The following ST3GAL4 variants were observed in gnomAD, a reference collection of about 807,000 sequenced individuals.
ST3GAL4 encodes the protein CMP-N-acetylneuraminate-beta-galactosamide-alpha-2,3-sialyltransferase 4.
A neutral mutation model predicts 42.6 loss-of-function variants in ST3GAL4; 24 were observed. The ratio of observed to expected loss-of-function variants is 0.56; its 90% confidence interval spans 0.41 to 0.79. ST3GAL4 has a LOEUF of 0.79. Among genes scored for constraint, ST3GAL4 ranks in the 30% least tolerant of loss-of-function variants. The pLI is 0.00. For synonymous variants in ST3GAL4, 135 were observed against 163.2 expected (o/e 0.83, Z 1.32); for missense variants, 311 against 430.8 (o/e 0.72, Z 2.46).
intron 1 of ST3GAL4, among the ~76,000 whole-genome samples, chr11:126,389,636 T>C (rs1239564112): frequency 1.3e-5 from 2 of 152,180 alleles, no homozygotes; most frequent in African/African-American, 4.8e-5. Context: ...CGATCATAGC[T>C]CGCTGCAACC....
rs1044136837 is a variant in ST3GAL4 at position 126,403,278 on chromosome 11, A to G, written c.-60-2818A>G. On this transcript the variant is annotated intron_variant, in intron 1 of 10. Coordinates refer to ENST00000444328, the MANE Select transcript of ST3GAL4 (RefSeq NM_001254757.2). ...TGAAGACAAGACAATGTAGAACTTT[A>G]CTGGGGAAGAGGTCGAAGAAGGGCT... is the stretch of plus-strand genomic sequence containing the variant. 8.0e-6 allele frequency: 5 copies of G among 627,260 alleles called. No homozygotes were observed. The African/African-American group carries it at 1.0e-4, about 13-fold the overall frequency. The allele number at this position is 627,260 out of a possible 1,614,324, so 38.9% of individuals were successfully genotyped here.
chr11:126,413,975 T>C lies in ST3GAL4; in HGVS notation c.930T>C (p.Asn310=), dbSNP rs140148661. The C allele has an allele frequency of 9.3e-6, 15 of 1,614,238 alleles. 1 individual carries two copies. The Middle Eastern group carries it at 9.9e-4, about 107-fold the overall frequency. The change falls in exon 11 of 11, where the codon AAT becomes AAC. Residue 310 remains asparagine, a synonymous_variant. Transcript: ENST00000444328. ...TGTCTCCACAGGGGTCAGGCCATAATGTCTCCCAAGAGGCCCTGGCCATTA... is the reference window on the plus strand; with the variant it reads ...TGTCTCCACAGGGGTCAGGCCATAACGTCTCCCAAGAGGCCCTGGCCATTA... ...TLKSMAGSGH[N]VSQEALAIKR...
At chr11:126,371,163 C>T (rs1591427936) in intron 1 of ST3GAL4, among the ~76,000 whole-genome samples, 8 of 59,974 alleles carry the variant, frequency 1.3e-4, no homozygotes, top group African/African-American at 2.8e-4. Context: ...CCCCACATTC[C>T]TTTTTTTTTT....
chr11:126,379,589 T>C lies in ST3GAL4; in HGVS notation c.-61+23747T>C, dbSNP rs1952927566. ...ACCTCCCGGGTTCAAGTAATTCTCC[T>C]GCCTCATCCTCCTGAGTAACTGAGA... On this transcript the variant is annotated intron_variant, in intron 1 of 10. Transcript: ENST00000444328. This position sits in a 1 kb window ranked among gnomAD's most constrained non-coding sequence, Gnocchi z 4.2. Among the ~76,000 whole-genome samples the C allele has an allele frequency of 6.6e-6, 1 of 152,186 alleles. No homozygotes were observed. Among genetic ancestry groups the C allele is most frequent in the South Asian group, 2.1e-4 (1 of 4,822 alleles).
rs112530032 is a variant in ST3GAL4 at position 126,412,960 on chromosome 11, A to G, written c.772-545A>G. ...AGTGTCTGGCACATAGTGTTTAAAA[A>G]GTAACTGATATGATGATGGCTGTCA... On this transcript the variant is annotated intron_variant, in intron 9 of 10. Transcript: ENST00000444328. Among the ~76,000 whole-genome samples, 192 of 152,362 alleles carry G rather than the reference A, an allele frequency of 1.3e-3. 1 individual carries two copies. The highest frequency in any genetic ancestry group is 0.01 in the Middle Eastern group (3 of 294).
intron 1 of ST3GAL4, among the ~76,000 whole-genome samples, chr11:126,399,301 C>CTTTTTT (rs58479155): frequency 0.024 from 2,077 of 87,636 alleles, 33 homozygotes; most frequent in East Asian, 0.037. Context: ...TTCTTTCCTT[C>CTTTTTT]TTTTTTTTTT....
At chr11:126,388,660 GTT>G (rs10599019) in intron 1 of ST3GAL4, among the ~76,000 whole-genome samples, 17,689 of 79,390 alleles carry the variant, frequency 0.22, 1,360 homozygotes, top group East Asian at 0.43. Flanking sequence ...TAGGTTTCTT[GTT>G]TTTTTTTTTT....
intron 9 of ST3GAL4, among the ~76,000 whole-genome samples, chr11:126,413,075 G>A (rs1189887613): frequency 1.3e-5 from 2 of 152,156 alleles, no homozygotes; most frequent in Non-Finnish European, 2.9e-5. Flanking sequence ...CTAGGCACAT[G>A]TGGCTATTTA....
intron 1 of ST3GAL4, among the ~76,000 whole-genome samples, chr11:126,390,857 C>G (rs548536688): frequency 4.2e-4 from 46 of 109,636 alleles, no homozygotes; most frequent in Admixed American, 7.5e-4. Flanking sequence ...CCGCCTCCCC[C>G]CAGCCCTTGG....
At chr11:126,382,937 C>T (rs1424603952) in intron 1 of ST3GAL4, among the ~76,000 whole-genome samples, 3 of 152,198 alleles carry the variant, frequency 2.0e-5, no homozygotes, top group Non-Finnish European at 4.4e-5. Flanking sequence ...GAAGGCCTTG[C>T]AGGTTCCTGG....
chr11:126,369,523 A>G (rs182821688), intron 1 of ST3GAL4, among the ~76,000 whole-genome samples: 300 of 152,278 alleles, frequency 2.0e-3, no homozygotes, highest in African/African-American at 7.0e-3. Context: ...CTGGGACTAT[A>G]GGCATGAGCC....
rs944037669 is a variant in ST3GAL4 at position 126,386,608 on chromosome 11, G to T, written c.-60-19488G>T. Among the ~76,000 whole-genome samples the T allele has an allele frequency of 2.6e-5, 4 of 152,126 alleles. No individual in the cohort carries two copies. The highest frequency in any genetic ancestry group is 9.7e-5 in the African/African-American group (4 of 41,430). Reference sequence around the variant, plus strand: ...CAGCTGTGCCGGAATTAGGAAGTGGGTACAGCTGGACAAAAGGTGGCTGGA... The same window carrying T: ...CAGCTGTGCCGGAATTAGGAAGTGGTTACAGCTGGACAAAAGGTGGCTGGA... On this transcript the variant is annotated intron_variant, in intron 1 of 10. Transcript: ENST00000444328. The surrounding 1 kb of genome is among the most constrained non-coding windows in gnomAD (Gnocchi z 4.7).
At chr11:126,403,270 A>T in intron 1 of ST3GAL4, 1 of 568,326 alleles carries the variant, frequency 1.8e-6, no homozygotes, top group Non-Finnish European at 2.2e-6. Context: ...AAGACAATGT[A>T]GAACTTTACT....
rs1314811568 is a variant in ST3GAL4 at position 126,373,060 on chromosome 11, T to G, written c.-61+17218T>G. Among the ~76,000 whole-genome samples, 1 of 152,248 alleles carries G rather than the reference T, an allele frequency of 6.6e-6. No individual in the cohort carries two copies. Among genetic ancestry groups the G allele is most frequent in the African/African-American group, 2.4e-5 (1 of 41,468 alleles). On this transcript the variant is annotated intron_variant, in intron 1 of 10. Transcript: ENST00000444328. The surrounding 1 kb of genome is among the most constrained non-coding windows in gnomAD (Gnocchi z 5.5). ...TATATTCAAGTATTTGTTGATTACA[T>G]GCACTGTACCTGACTTGTTTAAAGC... is the stretch of plus-strand genomic sequence containing the variant.
Position 126,409,160 on chromosome 11 carries a change from C to G in ST3GAL4, c.628-108C>G, listed in dbSNP as rs992899767. On this transcript the variant is annotated intron_variant, in intron 8 of 10. Coordinates refer to ENST00000444328, the MANE Select transcript of ST3GAL4 (RefSeq NM_001254757.2). The surrounding 1 kb of genome is among the most constrained non-coding windows in gnomAD (Gnocchi z 4.9). ...TCCTCTCACCTTGTGCTCCTGAAGGCCTCTGCCATCGCTTGGACCCCCTCG... is the reference window on the plus strand; with the variant it reads ...TCCTCTCACCTTGTGCTCCTGAAGGGCTCTGCCATCGCTTGGACCCCCTCG... The G allele has an allele frequency of 2.9e-6, 4 of 1,386,438 alleles. No individual in the cohort carries two copies. In the Admixed American group the frequency reaches 7.4e-5, roughly 26 times the overall value. The allele number at this position is 1,386,438 out of a possible 1,614,324, so 85.9% of individuals were successfully genotyped here.
Position 126,410,752 on chromosome 11 carries a change from C to T in ST3GAL4, c.771+1341C>T, listed in dbSNP as rs190969156. 6.6e-6 allele frequency among the ~76,000 whole-genome samples: 1 copy of T among 152,232 alleles called. No individual in the cohort carries two copies. The highest frequency in any genetic ancestry group is 2.4e-5 in the African/African-American group (1 of 41,530). On this transcript the variant is annotated intron_variant, in intron 9 of 10. Coordinates refer to ENST00000444328, the MANE Select transcript of ST3GAL4 (RefSeq NM_001254757.2). This position sits in a 1 kb window ranked among gnomAD's most constrained non-coding sequence, Gnocchi z 5.3. ...AAGTTGTGCTCCTTGCTCTAAGGGA[C>T]CTCAGTCTAGCAGAGTAAGAATGCA... is the stretch of plus-strand genomic sequence containing the variant.
intron 1 of ST3GAL4, among the ~76,000 whole-genome samples, chr11:126,372,219 C>T (rs1249041026): frequency 2.0e-5 from 3 of 152,202 alleles, no homozygotes; most frequent in Non-Finnish European, 4.4e-5. Flanking sequence ...TGGCTCATCT[C>T]CTTTTCCCCT....
rs961995520 is a variant in ST3GAL4, at chr11:126,411,096, C to T, written c.771+1685C>T. On this transcript the variant is annotated intron_variant, in intron 9 of 10. Transcript: ENST00000444328. This position sits in a 1 kb window ranked among gnomAD's most constrained non-coding sequence, Gnocchi z 6.3. ...ATGAGAGAGGGCGAGGACCTGAACC[C>T]AGCTCCTGGCAGTGGGAAGGGAAAA... Among the ~76,000 whole-genome samples, 1 of 151,740 alleles carries T rather than the reference C, an allele frequency of 6.6e-6. No individual in the cohort carries two copies. Among genetic ancestry groups the T allele is most frequent in the African/African-American group, 2.4e-5 (1 of 41,318 alleles).
intron 1 of ST3GAL4, among the ~76,000 whole-genome samples, chr11:126,372,559 C>T (rs368914165): frequency 6.6e-6 from 1 of 151,682 alleles, no homozygotes. Context: ...TGGGATTACA[C>T]GCATGCACCA....
Sources: allele counts gnomAD v4.1 joint callset (sites outside exome capture counted in the v4.1 genomes callset), GRCh38; gene constraint gnomAD v4.1.1; non-coding constraint Gnocchi (gnomAD v3.1); transcripts MANE v1.5; gene names NCBI Gene and HGNC (gene_info 2026-07-23, HGNC 2026-07-21).